Variants in CLSTN2 observed in about 807,000 individuals in gnomAD.
CLSTN2 encodes the protein calsyntenin 2.
A neutral mutation model predicts 101.2 loss-of-function variants in CLSTN2; 48 were observed. The observed-to-expected ratio is 0.47, with a 90% CI of 0.38 to 0.60. CLSTN2 has a LOEUF of 0.60. Among genes scored for constraint, CLSTN2 ranks in the 20% least tolerant of loss-of-function variants. The probability of loss-of-function intolerance (pLI) is 0.00; values close to 1 mark genes in which losing one functional copy is unlikely to be tolerated. For synonymous variants in CLSTN2, 481 were observed against 463.6 expected (o/e 1.04, Z -0.48); for missense variants, 1,160 against 1,238.2 (o/e 0.94, Z 0.95).
chr3:140,147,928 A>C (rs72986165), intron 1 of CLSTN2, among the ~76,000 whole-genome samples: 2,622 of 152,322 alleles, frequency 0.017, 89 homozygotes, highest in African/African-American at 0.06. Flanking sequence ...ACTTGCCTGA[A>C]TTCATCTTGT....
chr3:140,558,277 G>A (rs1935840393), intron 11 of CLSTN2, among the ~76,000 whole-genome samples: 1 of 152,224 alleles, frequency 6.6e-6, no homozygotes, highest in African/African-American at 2.4e-5. Context: ...TAAGACGGGT[G>A]TAACCAACCA....
At chr3:140,467,237 G>C (rs548613561) in intron 8 of CLSTN2, among the ~76,000 whole-genome samples, 1 of 152,116 alleles carries the variant, frequency 6.6e-6, no homozygotes, top group Non-Finnish European at 1.5e-5. Context: ...CCAGAGCCTC[G>C]TGACTTTTGA....
intron 2 of CLSTN2, among the ~76,000 whole-genome samples, chr3:140,271,069 G>A (rs766226809): frequency 1.8e-4 from 27 of 152,024 alleles, no homozygotes; most frequent in Admixed American, 5.2e-4. Flanking sequence ...TTTCCTTCCC[G>A]GGGAGCCACA....
Position 140,412,780 on chromosome 3 carries a change from G to T in CLSTN2, c.637+8014G>T, listed in dbSNP as rs139017497. ...TCACAAATATGTGAAATTAAATAAC[G>T]TGGTTCTGAACAACAAATGGGTCAA... On this transcript the variant is annotated intron_variant, in intron 4 of 16. Coordinates refer to ENST00000458420, the MANE Select transcript of CLSTN2 (RefSeq NM_022131.3). Among the ~76,000 whole-genome samples, 1,168 of 152,128 alleles carry T rather than the reference G, an allele frequency of 7.7e-3. 23 individuals are homozygous for T. The highest frequency in any genetic ancestry group is 0.027 in the African/African-American group (1,135 of 41,506).
chr3:140,326,686 T>C (rs1160627407), intron 2 of CLSTN2, among the ~76,000 whole-genome samples: 1 of 152,164 alleles, frequency 6.6e-6, no homozygotes, highest in Admixed American at 6.5e-5. Flanking sequence ...TCCTGCTATC[T>C]CCTGAAAGCC....
Position 139,958,214 on chromosome 3 carries a change from GC to G in CLSTN2, c.109+22733del, listed in dbSNP as rs1935445466. Among the ~76,000 whole-genome samples the G allele has an allele frequency of 2.0e-5, 3 of 152,244 alleles. No homozygotes were observed. The East Asian group carries it at 5.8e-4, about 29-fold the overall frequency. ...ATTGTTGCCCCTTGGCAGGGGTACA[GC>G]CACCAGAACATTTGCCCCATTGTGA... On this transcript the variant is annotated intron_variant, in intron 1 of 16. Coordinates refer to ENST00000458420, the MANE Select transcript of CLSTN2 (RefSeq NM_022131.3).
intron 2 of CLSTN2, among the ~76,000 whole-genome samples, chr3:140,216,096 T>C (rs111425590): frequency 6.5e-4 from 99 of 152,236 alleles, no homozygotes; most frequent in African/African-American, 2.3e-3. Context: ...TAGATTCTCA[T>C]AGGCGCATGA....
intron 2 of CLSTN2, among the ~76,000 whole-genome samples, chr3:140,389,193 G>A (rs1480864183): frequency 2.6e-5 from 4 of 152,106 alleles, no homozygotes; most frequent in Non-Finnish European, 5.9e-5. Flanking sequence ...TTGTTACATA[G>A]GTAAACATGT....
intron 8 of CLSTN2, among the ~76,000 whole-genome samples, chr3:140,513,362 T>TG (rs1934850481): frequency 6.6e-6 from 1 of 152,182 alleles, no homozygotes; most frequent in Admixed American, 6.5e-5. Context: ...TCTATTGAGA[T>TG]AATCATGTGG....
chr3:140,138,244 C>T (rs2009644501), intron 1 of CLSTN2, among the ~76,000 whole-genome samples: 1 of 152,110 alleles, frequency 6.6e-6, no homozygotes, highest in African/African-American at 2.4e-5. Flanking sequence ...GAAGAAGGAC[C>T]AAGTACCTTG....
At chr3:140,087,958 A>G (rs906551661) in intron 1 of CLSTN2, among the ~76,000 whole-genome samples, 5 of 152,146 alleles carry the variant, frequency 3.3e-5, no homozygotes, top group South Asian at 2.1e-4. Flanking sequence ...GCTTGTCCCT[A>G]TGCATCTCAT....
At chr3:140,257,491 A>G (rs778250417) in intron 2 of CLSTN2, among the ~76,000 whole-genome samples, 2 of 152,112 alleles carry the variant, frequency 1.3e-5, no homozygotes, top group Non-Finnish European at 2.9e-5. Context: ...AAGAAAATTT[A>G]AATAACCAGT....
At chr3:140,130,175 G>T (rs188162200) in intron 1 of CLSTN2, among the ~76,000 whole-genome samples, 1 of 152,146 alleles carries the variant, frequency 6.6e-6, no homozygotes, top group African/African-American at 2.4e-5. Flanking sequence ...CTAGAGATCC[G>T]GTGAGGCTCT....
chr3:140,206,548 A>G (rs2010785429), intron 2 of CLSTN2, among the ~76,000 whole-genome samples: 1 of 152,210 alleles, frequency 6.6e-6, no homozygotes, highest in South Asian at 2.1e-4. Context: ...GACACCTGAC[A>G]CGTGAAAACC....
rs553889066 is a variant in CLSTN2, at chr3:140,152,042, G to A, written c.110-23909G>A. Among the ~76,000 whole-genome samples, 144 of 152,280 alleles carry A rather than the reference G, an allele frequency of 9.5e-4. 1 individual carries two copies. Among genetic ancestry groups the A allele is most frequent in the African/African-American group, 3.4e-3 (141 of 41,570 alleles). ...CCCAGCCCCTGGCTCCTGAAAGCCT[G>A]TAAAGATGAATTCATCCTTGACCTC... On this transcript the variant is annotated intron_variant, in intron 1 of 16. Transcript: ENST00000458420.
At chr3:140,068,966 C>A (rs1170860989) in intron 1 of CLSTN2, among the ~76,000 whole-genome samples, 1 of 152,148 alleles carries the variant, frequency 6.6e-6, no homozygotes, top group Non-Finnish European at 1.5e-5. Flanking sequence ...AATAGAATCT[C>A]TCTCATAGGA....
chr3:139,935,465 C>A lies in CLSTN2; in HGVS notation c.91C>A (p.Arg31Ser). ...CGGTGGCGGGGACAGCCGGCAGCGC[C>A]GCCTCCTCGCGGCTAAAGGTGGGTG... is the stretch of plus-strand genomic sequence containing the variant. ...SGGGGDSRQRRLLAAKVNKHK... is the reference protein window; with the variant it reads ...SGGGGDSRQRSLLAAKVNKHK... The change falls in exon 1 of 17, where the codon CGC (arginine) becomes AGC (serine). Residue 31 changes from arginine to serine, a missense_variant. Coordinates refer to ENST00000458420, the MANE Select transcript of CLSTN2 (RefSeq NM_022131.3). This position sits in a 1 kb window ranked among gnomAD's most constrained non-coding sequence, Gnocchi z 5.5. 8.1e-7 allele frequency: 1 copy of A among 1,231,054 alleles called. No homozygotes were observed. Among genetic ancestry groups the A allele is most frequent in the South Asian group, 4.1e-5 (1 of 24,290 alleles). The allele number at this position is 1,231,054 out of a possible 1,614,324, so 76.3% of individuals were successfully genotyped here.
intron 6 of CLSTN2, among the ~76,000 whole-genome samples, chr3:140,450,514 C>T (rs370123034): frequency 1.2e-4 from 18 of 152,328 alleles, no homozygotes; most frequent in African/African-American, 4.3e-4. Context: ...TACTCAGGAA[C>T]TCACACTGGA....
At chr3:139,946,489 A>T (rs1243554979) in intron 1 of CLSTN2, among the ~76,000 whole-genome samples, 1 of 152,162 alleles carries the variant, frequency 6.6e-6, no homozygotes, top group African/African-American at 2.4e-5. Context: ...TACCCTTTTC[A>T]CTTGATCATC....
Sources: gnomAD v4.1 joint callset for allele counts (sites outside exome capture counted in the v4.1 genomes callset) on GRCh38, gnomAD v4.1.1 for gene constraint, Gnocchi (gnomAD v3.1) non-coding constraint, MANE v1.5 for transcripts, NCBI Gene and HGNC (gene_info 2026-07-23, HGNC 2026-07-21) for gene names.